The following FCRL1 variants were observed in gnomAD, a reference collection of about 807,000 sequenced individuals.
FCRL1 encodes Fc receptor-like protein 1.
A neutral mutation model predicts 49.2 loss-of-function variants in FCRL1; 34 were observed. The observed-to-expected ratio is 0.69, with a 90% CI of 0.53 to 0.92. FCRL1 has a LOEUF of 0.92. Ranked by LOEUF, FCRL1 falls within the 40% of genes least tolerant of loss-of-function variation. FCRL1 has a pLI of 0.00. For missense variants in FCRL1, 524 were observed against 524.1 expected (o/e 1.00, Z 0.00); for synonymous variants, 218 against 201.6 (o/e 1.08, Z -0.69).
chr1:157,809,416 A>G (rs1487456781), intron 1 of FCRL1, among the ~76,000 whole-genome samples: 2 of 148,496 alleles, frequency 1.3e-5, no homozygotes, highest in Non-Finnish European at 3.0e-5. Flanking sequence ...GTTTGTAAAA[A>G]ACAAAAACAA....
At position 157,802,191 on chromosome 1, in the gene FCRL1, G is replaced by T. The variant is rs146581128; in HGVS notation, c.610C>A (p.Pro204Thr). ...AGCATGAGGATTGGGCGAGACACCG[G>T]GACTGAGGGAGACAGTAGACTGTAA... is the stretch of plus-strand genomic sequence containing the variant. ...SGLVSITVRI[P>T]VSRPILMLRA... Residue 204 changes from proline (P) to threonine (T), a missense_variant and splice_region_variant, in exon 5 of 11, where the codon CCG becomes ACG. Coordinates refer to ENST00000368176, the MANE Select transcript of FCRL1 (RefSeq NM_052938.5). 1 of 1,611,982 alleles carries T rather than the reference G, an allele frequency of 6.2e-7. No individual in the cohort carries two copies. The highest frequency in any genetic ancestry group is 8.5e-7 in the Non-Finnish European group (1 of 1,178,988).
At chr1:157,809,391 T>TA (rs771373807) in intron 1 of FCRL1, among the ~76,000 whole-genome samples, 23 of 149,036 alleles carry the variant, frequency 1.5e-4, no homozygotes, top group East Asian at 9.8e-4. Context: ...ATTAATTAAT[T>TA]TAAAAAAAAA....
chr1:157,817,969 C>G (rs1448129405), intron 1 of FCRL1, among the ~76,000 whole-genome samples: 2 of 152,066 alleles, frequency 1.3e-5, no homozygotes, highest in Admixed American at 6.6e-5. Flanking sequence ...TACCCCATAC[C>G]TATGAAAATG....
chr1:157,800,175 T>G (rs965290897), intron 6 of FCRL1, 90 bp from the exon 7 acceptor site: 1 of 1,281,342 alleles, frequency 7.8e-7, no homozygotes, highest in African/African-American at 1.5e-5. Flanking sequence ...CACAGGGATA[T>G]GCCTCATGCT....
intron 5 of FCRL1, 111 bp from the exon 6 acceptor site, chr1:157,801,688 T>C (rs901187784): frequency 3.3e-6 from 3 of 902,082 alleles, no homozygotes; most frequent in Non-Finnish European, 5.2e-6. Flanking sequence ...AGTGGGGATT[T>C]ATTTATTTGT....
At chr1:157,818,145 C>A (rs1655308308) in intron 1 of FCRL1, among the ~76,000 whole-genome samples, 1 of 152,102 alleles carries the variant, frequency 6.6e-6, no homozygotes, top group South Asian at 2.1e-4. Context: ...TCAGCCATCC[C>A]ACTACTGGAC....
intron 2 of FCRL1, 134 bp downstream of exon 2, chr1:157,806,968 C>T (rs1653567446): frequency 3.3e-6 from 3 of 904,162 alleles, no homozygotes; most frequent in Non-Finnish European, 5.2e-6. Context: ...GATGTTTGTA[C>T]ACCTCAGCAG....
intron 1 of FCRL1, among the ~76,000 whole-genome samples, chr1:157,818,947 G>A (rs940548549): frequency 1.3e-5 from 2 of 152,090 alleles, no homozygotes; most frequent in East Asian, 3.9e-4. Context: ...GAGGGTCATG[G>A]GCCTAATGCA....
At chr1:157,806,888 A>C in intron 2 of FCRL1, 1 of 532,250 alleles carries the variant, frequency 1.9e-6, no homozygotes, top group Non-Finnish European at 3.4e-6. Context: ...TGTTCACCCC[A>C]CTGAGCAGAC....
intron 3 of FCRL1, among the ~76,000 whole-genome samples, chr1:157,803,632 C>T (rs1557903836): frequency 6.6e-6 from 1 of 152,162 alleles, no homozygotes; most frequent in Non-Finnish European, 1.5e-5. Context: ...TGAAGACACA[C>T]AGTAAGGGTT....
Position 157,796,190 on chromosome 1 carries a change from C to A in FCRL1, c.1219-20G>T. 6.2e-7 allele frequency: 1 copy of A among 1,609,008 alleles called. No homozygotes were observed. Among genetic ancestry groups the A allele is most frequent in the South Asian group, 1.1e-5 (1 of 90,992 alleles). On this transcript the variant is annotated intron_variant, in intron 10 of 10. Coordinates refer to ENST00000368176, the MANE Select transcript of FCRL1 (RefSeq NM_052938.5). ...GGAAACCTGGAAGCAAAGATTAGGA[C>A]TAGAGCAGGGAAGACAAGCAGAACA...
At chr1:157,804,616 G>A (rs1385334295) in intron 2 of FCRL1, among the ~76,000 whole-genome samples, 2 of 152,140 alleles carry the variant, frequency 1.3e-5, no homozygotes, top group Admixed American at 6.5e-5. Context: ...CTGCAGGGTC[G>A]ATCTGTCCAG....
chr1:157,819,764 AAGAC>A (rs1455751608), intron 1 of FCRL1, among the ~76,000 whole-genome samples: 64 of 152,274 alleles, frequency 4.2e-4, no homozygotes, highest in Non-Finnish European at 7.6e-4. Context: ...GATGGAAAGG[AAGAC>A]AGACAGTGAA....
chr1:157,800,134 G>A, intron 6 of FCRL1, 49 bp from the exon 7 acceptor site: 2 of 1,583,904 alleles, frequency 1.3e-6, no homozygotes, highest in South Asian at 2.2e-5. Context: ...AACCCTCACT[G>A]TCAGCACTGT....
intron 3 of FCRL1, among the ~76,000 whole-genome samples, chr1:157,802,961 G>GTGAT (rs1406110425): frequency 3.3e-5 from 5 of 152,186 alleles, no homozygotes; most frequent in Admixed American, 2.6e-4. Context: ...GTATAGTGAA[G>GTGAT]TGATTACAAG....
In FCRL1 at chr1:157,794,439, G is replaced by A. The variant is rs1485061146; in HGVS notation, c.*1660C>T. On this transcript the variant is annotated 3_prime_UTR_variant, in exon 11 of 11. Transcript: ENST00000368176. ...CCCAGTCTTGGATATGTCTTTATTA[G>A]CAATGTGAAAACTAAGTAATACACC... 6.6e-6 allele frequency: 1 copy of A among 152,098 alleles called. No individual in the cohort carries two copies. The highest frequency in any genetic ancestry group is 2.4e-5 in the African/African-American group (1 of 41,436). The allele number at this position is 152,098 out of a possible 1,614,324, so 9.4% of individuals were successfully genotyped here.
At position 157,816,169 on chromosome 1, in the gene FCRL1, C is replaced by T. The variant is rs543539087; in HGVS notation, c.31+3838G>A. On this transcript the variant is annotated intron_variant, in intron 1 of 10. Coordinates refer to ENST00000368176, the MANE Select transcript of FCRL1 (RefSeq NM_052938.5). The stretch of plus-strand genomic sequence containing the variant: ...CAAAAAGAAAACTACAGGCTGATAT[C>T]TCCGATAGACATAGATGTGCAAATT... 4.6e-4 allele frequency among the ~76,000 whole-genome samples: 70 copies of T among 152,016 alleles called. 1 individual carries two copies. The highest frequency in any genetic ancestry group is 2.4e-3 in the Admixed American group (37 of 15,268).
intron 1 of FCRL1, among the ~76,000 whole-genome samples, chr1:157,808,109 A>G (rs993930293): frequency 3.3e-5 from 5 of 152,244 alleles, no homozygotes; most frequent in African/African-American, 1.2e-4. Context: ...ATAAAATCAT[A>G]TTCCATACAC....
At chr1:157,811,539 C>T (rs1654317431) in intron 1 of FCRL1, among the ~76,000 whole-genome samples, 1 of 152,200 alleles carries the variant, frequency 6.6e-6, no homozygotes, top group African/African-American at 2.4e-5. Context: ...TCCTGCAGTT[C>T]TCACAGGACC....
Sources: allele counts gnomAD v4.1 joint callset (sites outside exome capture counted in the v4.1 genomes callset), GRCh38; gene constraint gnomAD v4.1.1; transcripts MANE v1.5; gene names NCBI Gene and HGNC (gene_info 2026-07-23, HGNC 2026-07-21).